Variants in TCF7L2 observed in about 807,000 individuals in gnomAD.
TCF7L2 encodes the protein transcription factor 7 like 2.
TCF7L2 carries 23 observed loss-of-function variants against 77.9 expected under a neutral mutation model. The observed-to-expected ratio is 0.30, with a 90% CI of 0.21 to 0.42. The LOEUF is 0.42. Ranked by LOEUF, TCF7L2 falls within the 10% of genes least tolerant of loss-of-function variation. TCF7L2 has a pLI of 1.00. For missense variants in TCF7L2, 654 were observed against 793.1 expected (o/e 0.82, Z 2.11); for synonymous variants, 413 against 340.2 (o/e 1.21, Z -2.36).
intron 4 of TCF7L2, among the ~76,000 whole-genome samples, chr10:113,025,766 A>T (rs1471656442): frequency 6.6e-6 from 1 of 152,190 alleles, no homozygotes; most frequent in Non-Finnish European, 1.5e-5. Flanking sequence ...ACAGGCAAGG[A>T]TCTGGAGGCG....
At chr10:113,144,915 A>T (rs1487180912) in intron 7 of TCF7L2, among the ~76,000 whole-genome samples, 1 of 152,156 alleles carries the variant, frequency 6.6e-6, no homozygotes, top group African/African-American at 2.4e-5. Context: ...GTTTCTGTGG[A>T]TGTATTTCTC....
At chr10:112,972,548 C>A (rs7897438) in intron 4 of TCF7L2, among the ~76,000 whole-genome samples, 54,171 of 152,012 alleles carry the variant, frequency 0.36, 12,779 homozygotes, top group East Asian at 0.69. Context: ...TAGCTCACTG[C>A]AGCCTCGACC....
rs150183881 is a variant in TCF7L2 at position 112,953,297 on chromosome 10, G to A, written c.381+1690G>A. Among the ~76,000 whole-genome samples the A allele has an allele frequency of 3.8e-3, 575 of 152,252 alleles. 4 individuals are homozygous for A. The highest frequency in any genetic ancestry group is 0.013 in the East Asian group (67 of 5,164). On this transcript the variant is annotated intron_variant, in intron 3 of 13. Transcript: ENST00000627217. ...ACATGCTTGGGAAGCTGGGAGAGCGGTTCGGCTCAACCCCCTTCTCCAGGG... is the reference window on the plus strand; with the variant it reads ...ACATGCTTGGGAAGCTGGGAGAGCGATTCGGCTCAACCCCCTTCTCCAGGG...
At chr10:113,061,387 G>C (rs1215957538) in intron 5 of TCF7L2, among the ~76,000 whole-genome samples, 1 of 152,230 alleles carries the variant, frequency 6.6e-6, no homozygotes, top group Non-Finnish European at 1.5e-5. Context: ...GGGGTGCTCA[G>C]TAGATAACGC....
chr10:113,093,158 GGAACTACTGTAC>G (rs1194605116), intron 5 of TCF7L2, among the ~76,000 whole-genome samples: 2 of 152,284 alleles, frequency 1.3e-5, no homozygotes, highest in Non-Finnish European at 1.5e-5. Context: ...CTGTGATCCA[GGAACTACTGTAC>G]GAACTACTGT....
At chr10:112,990,138 C>T (rs897122023) in intron 4 of TCF7L2, among the ~76,000 whole-genome samples, 1 of 152,140 alleles carries the variant, frequency 6.6e-6, no homozygotes, top group Non-Finnish European at 1.5e-5. Flanking sequence ...CACGTGGCTA[C>T]AGTCATTTCT....
chr10:112,973,418 G>A (rs1402751886), intron 4 of TCF7L2, among the ~76,000 whole-genome samples: 1 of 152,096 alleles, frequency 6.6e-6, no homozygotes, highest in African/African-American at 2.4e-5. Flanking sequence ...GTTGTGGCCT[G>A]TGCATCCCTG....
intron 4 of TCF7L2, among the ~76,000 whole-genome samples, chr10:112,983,086 GT>G (rs969641981): frequency 2.0e-5 from 3 of 152,008 alleles, no homozygotes; most frequent in Admixed American, 6.5e-5. Context: ...GCAGGAATTT[GT>G]GGCCTTTTGG....
At chr10:113,153,102 T>G (rs2071103904) in intron 11 of TCF7L2, among the ~76,000 whole-genome samples, 1 of 152,158 alleles carries the variant, frequency 6.6e-6, no homozygotes, top group Admixed American at 6.5e-5. Flanking sequence ...GGCTCTGTGT[T>G]GGCTACAGGA....
At chr10:113,044,312 G>T (rs1366132289) in intron 5 of TCF7L2, among the ~76,000 whole-genome samples, 1 of 152,234 alleles carries the variant, frequency 6.6e-6, no homozygotes, top group African/African-American at 2.4e-5. Flanking sequence ...GCATTTTCGA[G>T]GAAGCTCAGA....
At chr10:113,020,583 T>A (rs2048119578) in intron 4 of TCF7L2, among the ~76,000 whole-genome samples, 1 of 152,234 alleles carries the variant, frequency 6.6e-6, no homozygotes, top group African/African-American at 2.4e-5. Context: ...AAGAGGCAGC[T>A]GGGTGCAGAG....
chr10:113,144,563 A>G (rs756432670), intron 7 of TCF7L2, among the ~76,000 whole-genome samples: 1 of 152,140 alleles, frequency 6.6e-6, no homozygotes, highest in Non-Finnish European at 1.5e-5. Flanking sequence ...CATCCTGAAC[A>G]TTACTCCCAA....
At chr10:113,045,936 C>A (rs765502046) in intron 5 of TCF7L2, among the ~76,000 whole-genome samples, 1 of 152,122 alleles carries the variant, frequency 6.6e-6, no homozygotes, top group Non-Finnish European at 1.5e-5. Flanking sequence ...CGGGCACTAC[C>A]AAAACATTAT....
intron 5 of TCF7L2, among the ~76,000 whole-genome samples, chr10:113,098,227 G>T (rs1159507483): frequency 6.6e-6 from 1 of 151,884 alleles, no homozygotes; most frequent in Non-Finnish European, 1.5e-5. Flanking sequence ...TTTCTTCTTG[G>T]ACCTTTCCTG....
chr10:112,978,962 C>G (rs1354504693), intron 4 of TCF7L2, among the ~76,000 whole-genome samples: 2 of 152,116 alleles, frequency 1.3e-5, no homozygotes, highest in Non-Finnish European at 2.9e-5. Context: ...GGTATATCTC[C>G]TAATGCTATG....
At chr10:112,954,842 C>G (rs1473874594) in intron 3 of TCF7L2, among the ~76,000 whole-genome samples, 2 of 152,124 alleles carry the variant, frequency 1.3e-5, no homozygotes, top group Admixed American at 6.5e-5. Flanking sequence ...GCTTTTCAAC[C>G]GAGCTCTTTG....
intron 4 of TCF7L2, among the ~76,000 whole-genome samples, chr10:112,986,151 A>T (rs892856931): frequency 6.6e-6 from 1 of 152,062 alleles, no homozygotes; most frequent in Non-Finnish European, 1.5e-5. Flanking sequence ...GCTCTGGTCA[A>T]GTCATTGGCT....
chr10:113,038,161 G>T (rs2051695005), intron 4 of TCF7L2, among the ~76,000 whole-genome samples: 2 of 152,064 alleles, frequency 1.3e-5, no homozygotes, highest in African/African-American at 4.8e-5. Context: ...TTACTGTCTG[G>T]GGGCTTGGAG....
At chr10:113,019,238 G>A (rs942052407) in intron 4 of TCF7L2, among the ~76,000 whole-genome samples, 3 of 152,200 alleles carry the variant, frequency 2.0e-5, no homozygotes, top group Non-Finnish European at 2.9e-5. Context: ...TCTTAACCCC[G>A]GCGTGGTTGA....
Sources: gnomAD v4.1 joint callset for allele counts (sites outside exome capture counted in the v4.1 genomes callset) on GRCh38, gnomAD v4.1.1 for gene constraint, MANE v1.5 for transcripts, NCBI Gene and HGNC (gene_info 2026-07-23, HGNC 2026-07-21) for gene names.